Variants in ERBB4 observed in about 807,000 individuals in gnomAD.
ERBB4 encodes the protein erb-b2 receptor tyrosine kinase 4, also known as receptor tyrosine-protein kinase erbB-4.
Under a neutral mutation model 158.0 loss-of-function variants are expected in ERBB4, and 42 were observed. The ratio of observed to expected loss-of-function variants is 0.27; its 90% CI spans 0.21 to 0.34. ERBB4 has a LOEUF of 0.34. Among genes scored for constraint, ERBB4 ranks in the 10% least tolerant of loss-of-function variants. The pLI, the probability that ERBB4 is intolerant of heterozygous loss-of-function variation, is 1.00. For synonymous variants in ERBB4, 583 were observed against 558.7 expected, an observed-to-expected ratio of 1.04 and a Z score of -0.61; for missense variants, 1,333 against 1,624.1, an observed-to-expected ratio of 0.82 and a Z score of 3.08.
intron 1 of ERBB4, among the ~76,000 whole-genome samples, chr2:212,192,030 G>A (rs796231404): frequency 6.8e-5 from 1 of 14,688 alleles, no homozygotes; most frequent in Non-Finnish European, 1.9e-4. Context: ...TGTTATATAT[G>A]TTATATGTTA....
At chr2:212,159,868 G>T (rs2081152929) in intron 1 of ERBB4, among the ~76,000 whole-genome samples, 1 of 151,872 alleles carries the variant, frequency 6.6e-6, no homozygotes, top group South Asian at 2.1e-4. Flanking sequence ...GTGATAAATG[G>T]CTAATATACT....
intron 13 of ERBB4, among the ~76,000 whole-genome samples, 174 bp from the exon 14 acceptor site, chr2:211,673,431 C>G (rs2071922583): frequency 1.3e-5 from 2 of 148,462 alleles, no homozygotes; most frequent in Non-Finnish European, 3.0e-5. Context: ...TAAACTGCAG[C>G]CAGATGGCTC....
At chr2:211,446,032 T>C (rs1021826092) in intron 20 of ERBB4, among the ~76,000 whole-genome samples, 3 of 152,118 alleles carry the variant, frequency 2.0e-5, no homozygotes, top group Non-Finnish European at 2.9e-5. Flanking sequence ...GAGAACAAGA[T>C]GGGGGGAGCT....
intron 6 of ERBB4, 95 bp downstream of exon 6, chr2:211,724,981 G>C (rs1054137640): frequency 9.3e-6 from 9 of 972,938 alleles, no homozygotes; most frequent in Admixed American, 6.9e-5. Context: ...GGCTAAAGTT[G>C]ATCTGATTGT....
intron 2 of ERBB4, among the ~76,000 whole-genome samples, chr2:211,996,968 T>C (rs1575490963): frequency 6.6e-6 from 1 of 152,178 alleles, no homozygotes; most frequent in African/African-American, 2.4e-5. Context: ...GGACAAACCA[T>C]CACGATGAGG....
chr2:211,850,228 G>T (rs1439254), intron 3 of ERBB4, among the ~76,000 whole-genome samples: 32,951 of 151,622 alleles, frequency 0.22, 3,717 homozygotes, highest in South Asian at 0.33. Flanking sequence ...GCTTTGTCTG[G>T]GTTGGTGCTT....
chr2:212,465,394 C>T (rs901964289), intron 1 of ERBB4, among the ~76,000 whole-genome samples: 13 of 152,070 alleles, frequency 8.5e-5, no homozygotes, highest in African/African-American at 2.7e-4. Flanking sequence ...ATGGTCACAG[C>T]GCACCTCTTT....
intron 3 of ERBB4, among the ~76,000 whole-genome samples, chr2:211,852,701 A>AT (rs1317975238): frequency 1.9e-5 from 1 of 52,050 alleles, no homozygotes; most frequent in Non-Finnish European, 4.9e-5. Context: ...GATACACAAA[A>AT]CTTTTTTTTT....
At chr2:211,876,114 T>G in intron 3 of ERBB4, among the ~76,000 whole-genome samples, 1 of 152,170 alleles carries the variant, frequency 6.6e-6, no homozygotes, top group East Asian at 1.9e-4. Context: ...TAAGAAGGCT[T>G]TCTCTCTTCA....
intron 1 of ERBB4, among the ~76,000 whole-genome samples, chr2:212,407,786 CATATT>C (rs1262760703): frequency 6.6e-6 from 1 of 152,046 alleles, no homozygotes; most frequent in Non-Finnish European, 1.5e-5. Context: ...TTTCCACTGA[CATATT>C]ATACTATTCT....
chr2:211,814,455 T>C (rs915594398), intron 3 of ERBB4, among the ~76,000 whole-genome samples: 2 of 152,124 alleles, frequency 1.3e-5, no homozygotes, highest in Non-Finnish European at 2.9e-5. Flanking sequence ...AACTCTAATA[T>C]TGTAGCAAAT....
At chr2:212,434,873 CAA>C (rs2092103918) in intron 1 of ERBB4, among the ~76,000 whole-genome samples, 1 of 151,966 alleles carries the variant, frequency 6.6e-6, no homozygotes, top group Non-Finnish European at 1.5e-5. Flanking sequence ...AAAATATCAA[CAA>C]GTTTACTGCT....
At chr2:212,392,285 A>C (rs1467151857) in intron 1 of ERBB4, among the ~76,000 whole-genome samples, 1 of 152,004 alleles carries the variant, frequency 6.6e-6, no homozygotes, top group Non-Finnish European at 1.5e-5. Context: ...CAGTGACTCA[A>C]AAACATGTTT....
At chr2:211,549,082 T>C (rs889031955) in intron 20 of ERBB4, among the ~76,000 whole-genome samples, 1 of 152,242 alleles carries the variant, frequency 6.6e-6, no homozygotes, top group South Asian at 2.1e-4. Context: ...AAATGTATTA[T>C]TAAAATATCA....
chr2:211,835,709 T>A (rs921153068), intron 3 of ERBB4, among the ~76,000 whole-genome samples: 2 of 152,068 alleles, frequency 1.3e-5, no homozygotes, highest in Admixed American at 6.6e-5. Flanking sequence ...TAGGTTCTGA[T>A]GAAGACAAAT....
At chr2:211,782,962 G>A (rs2076072678) in intron 4 of ERBB4, among the ~76,000 whole-genome samples, 1 of 152,158 alleles carries the variant, frequency 6.6e-6, no homozygotes, top group African/African-American at 2.4e-5. Context: ...ATTACCTTGG[G>A]CAGTATGGCC....
At chr2:212,454,723 T>C (rs1221801566) in intron 1 of ERBB4, among the ~76,000 whole-genome samples, 3 of 152,188 alleles carry the variant, frequency 2.0e-5, no homozygotes, top group African/African-American at 7.2e-5. Flanking sequence ...GAGCAGCAAA[T>C]AGGACCAATG....
At chr2:212,124,209 T>A (rs1009566574) in intron 2 of ERBB4, among the ~76,000 whole-genome samples, 1 of 152,246 alleles carries the variant, frequency 6.6e-6, no homozygotes, top group African/African-American at 2.4e-5. Flanking sequence ...TATACACATT[T>A]GTGTTCTTGC....
chr2:212,177,293 C>T (rs2081700129), intron 1 of ERBB4, among the ~76,000 whole-genome samples: 1 of 151,548 alleles, frequency 6.6e-6, no homozygotes, highest in African/African-American at 2.4e-5. Flanking sequence ...ATATTTTTTT[C>T]CAACAATTTC....
Sources: allele counts gnomAD v4.1 joint callset (sites outside exome capture counted in the v4.1 genomes callset), GRCh38; gene constraint gnomAD v4.1.1; transcripts MANE v1.5; gene names NCBI Gene and HGNC (gene_info 2026-07-23, HGNC 2026-07-21).